The following OLFML3 variants were observed in gnomAD, a reference collection of about 807,000 sequenced individuals.
OLFML3 encodes olfactomedin like 3.
Under a neutral mutation model 36.0 loss-of-function variants are expected in OLFML3, and 26 were observed. That is an observed-to-expected ratio of 0.72 (90% CI 0.53 to 1.00). The LOEUF (loss-of-function observed/expected upper bound fraction) is 1.00. Ranked by LOEUF, OLFML3 falls within the 50% of genes least tolerant of loss-of-function variation. The pLI, the probability that OLFML3 is intolerant of heterozygous loss-of-function variation, is 0.00. For missense variants in OLFML3, 503 were observed against 519.4 expected (o/e 0.97, Z 0.31); for synonymous variants, 184 against 201.2 (o/e 0.91, Z 0.72).
intron 1 of OLFML3, chr1:113,980,067 G>A: frequency 6.5e-7 from 1 of 1,549,854 alleles, no homozygotes; most frequent in Non-Finnish European, 8.7e-7. Flanking sequence ...CTGCCTAGAG[G>A]CTCAGATGGC....
chr1:113,980,501 ACTAT>A lies in OLFML3; in HGVS notation c.287_290del (p.Tyr96TrpfsTer11). ...GTGGATCGTCTGGAGCGGGAGGTAGACTATCTGGAGACCCAGAACCCAGCTCTGC... is the reference window on the plus strand; with the variant it reads ...GTGGATCGTCTGGAGCGGGAGGTAGACTGGAGACCCAGAACCCAGCTCTGC... On this transcript the variant is annotated frameshift_variant, in exon 2 of 3. Transcript: ENST00000320334. LOFTEE classifies it high-confidence loss of function. 1 of 1,614,134 alleles carries A rather than the reference ACTAT, an allele frequency of 6.2e-7. No individual in the cohort carries two copies. Among genetic ancestry groups the A allele is most frequent in the Non-Finnish European group, 8.5e-7 (1 of 1,180,010 alleles).
chr1:113,980,030 C>G (rs1255731623), intron 1 of OLFML3: 1 of 1,517,396 alleles, frequency 6.6e-7, no homozygotes, highest in Non-Finnish European at 8.8e-7. Context: ...GGAGCAGAGA[C>G]CTCTTCACAC....
chr1:113,980,469 C>T lies in OLFML3; in HGVS notation c.252C>T (p.Ser84=), dbSNP rs770721873. The T allele has an allele frequency of 4.3e-6, 7 of 1,613,862 alleles. No homozygotes were observed. The highest frequency in any genetic ancestry group is 3.3e-5 in the Admixed American group (2 of 59,968). ...EALRTEADTI[S]GRVDRLEREV... is the part of the protein sequence containing the mutation. Reference sequence around the variant, plus strand: ...TCAGAACTGAGGCCGACACCATCTCCGGGAGAGTGGATCGTCTGGAGCGGG... The same window carrying T: ...TCAGAACTGAGGCCGACACCATCTCTGGGAGAGTGGATCGTCTGGAGCGGG... The change falls in exon 2 of 3, where the codon TCC becomes TCT. Residue 84 remains serine, a synonymous_variant. Coordinates refer to ENST00000320334, the MANE Select transcript of OLFML3 (RefSeq NM_020190.5).
chr1:113,981,336 T>C lies in OLFML3; in HGVS notation c.788T>C (p.Ile263Thr). 1.3e-6 allele frequency: 2 copies of C among 1,599,076 alleles called. No homozygotes were observed. Among genetic ancestry groups the C allele is most frequent in the Non-Finnish European group, 1.7e-6 (2 of 1,172,046 alleles). Reference sequence around the variant, plus strand: ...TCAGTATTCCCAGCAGAGGGGCTGATCCCCCCCTACGGCTTGACAGCAGAC... The same window carrying C: ...TCAGTATTCCCAGCAGAGGGGCTGACCCCCCCCTACGGCTTGACAGCAGAC... ...DSSVFPAEGL[I>T]PPYGLTADTY... The change falls in exon 3 of 3, where the codon ATC (isoleucine) becomes ACC (threonine). Residue 263 changes from isoleucine (I) to threonine (T), a missense_variant. Transcript: ENST00000320334.
Position 113,980,470 on chromosome 1 carries a change from G to A in OLFML3, c.253G>A (p.Gly85Arg), listed in dbSNP as rs771432541. ...ALRTEADTIS[G>R]RVDRLEREVD... ...CAGAACTGAGGCCGACACCATCTCC[G>A]GGAGAGTGGATCGTCTGGAGCGGGA... is the stretch of plus-strand genomic sequence containing the variant. The change falls in exon 2 of 3, where the codon GGG (glycine) becomes AGG (arginine). Residue 85 changes from glycine to arginine, a missense_variant. Coordinates refer to ENST00000320334, the MANE Select transcript of OLFML3 (RefSeq NM_020190.5). 2.8e-5 allele frequency: 45 copies of A among 1,613,932 alleles called. No homozygotes were observed. Among genetic ancestry groups the A allele is most frequent in the South Asian group, 1.2e-4 (11 of 91,084 alleles).
Position 113,981,298 on chromosome 1 carries a change from A to T in OLFML3, c.750A>T (p.Thr250=). ...QLIKFHLANR[T]VVDSSVFPAE... is the part of the protein sequence containing the mutation. ...TCAAATTCCACCTGGCAAACCGAAC[A>T]GTGGTGGACAGCTCAGTATTCCCAG... is the stretch of plus-strand genomic sequence containing the variant. The change falls in exon 3 of 3, where the codon ACA becomes ACT. Residue 250 remains threonine (T), a synonymous_variant. Coordinates refer to ENST00000320334, the MANE Select transcript of OLFML3 (RefSeq NM_020190.5). 6.3e-7 allele frequency: 1 copy of T among 1,598,176 alleles called. No individual in the cohort carries two copies. Among genetic ancestry groups the T allele is most frequent in the Non-Finnish European group, 8.5e-7 (1 of 1,170,678 alleles).
At chr1:113,980,263 C>T (rs373306496) in intron 1 of OLFML3, 69 bp from the exon 2 acceptor site, 39 of 1,523,996 alleles carry the variant, frequency 2.6e-5, no homozygotes, top group South Asian at 1.7e-4. Context: ...TCCTGACTCC[C>T]GAGTTGGGCC....
Position 113,981,239 on chromosome 1 carries a change from G to A in OLFML3, c.691G>A (p.Gly231Arg). ...TCGGAGGCCTCCTGGAAGACCTGGT[G>A]GAGGTGGTGAGATGGAGAACACTTT... ...FARRPPGRPG[G>R]GGEMENTLQL... The change falls in exon 3 of 3, where the codon GGA becomes AGA. Residue 231 changes from glycine (G) to arginine (R), a missense_variant. Coordinates refer to ENST00000320334, the MANE Select transcript of OLFML3 (RefSeq NM_020190.5). 2 of 1,613,756 alleles carry A rather than the reference G, an allele frequency of 1.2e-6. No homozygotes were observed. The highest frequency in any genetic ancestry group is 1.7e-6 in the Non-Finnish European group (2 of 1,179,792).
chr1:113,979,559 T>TG lies in OLFML3; in HGVS notation c.45dup (p.Ser16ValfsTer34). 6.2e-7 allele frequency: 1 copy of TG among 1,614,146 alleles called. No individual in the cohort carries two copies. Among genetic ancestry groups the TG allele is most frequent in the South Asian group, 1.1e-5 (1 of 91,080 alleles). On this transcript the variant is annotated frameshift_variant, in exon 1 of 3. Coordinates refer to ENST00000320334, the MANE Select transcript of OLFML3 (RefSeq NM_020190.5). LOFTEE classifies it high-confidence loss of function. ...TCTCCTCATCTTGTTCCTTTTGTCA[T>TG]GGTCGGGACCCCTCCAAGGACAGCA...
At position 113,981,558 on chromosome 1, in the gene OLFML3, C is replaced by T. The variant is rs768793639; in HGVS notation, c.1010C>T (p.Thr337Ile). 3 of 1,614,140 alleles carry T rather than the reference C, an allele frequency of 1.9e-6. No individual in the cohort carries two copies. In the South Asian group the frequency reaches 3.3e-5, roughly 18 times the overall value. Residue 337 changes from threonine to isoleucine, a missense_variant, in exon 3 of 3, where the codon ACC (threonine) becomes ATC (isoleucine). Transcript: ENST00000320334. ...ICGTLYVVYNTRPASRARIQC... is the reference protein window; with the variant it reads ...ICGTLYVVYNIRPASRARIQC... ...GGGACCCTCTATGTCGTCTATAACA[C>T]CCGTCCTGCCAGTCGGGCCCGCATC... is the stretch of plus-strand genomic sequence containing the variant.
chr1:113,980,864 C>A, intron 2 of OLFML3, 85 bp from the exon 3 acceptor site: 2 of 1,228,390 alleles, frequency 1.6e-6, no homozygotes, highest in Non-Finnish European at 2.2e-6. Context: ...GCTCACTATT[C>A]TCCAGATCAC....
At chr1:113,980,688 T>C in intron 2 of OLFML3, 71 bp downstream of exon 2, 1 of 1,452,896 alleles carries the variant, frequency 6.9e-7, no homozygotes, top group Admixed American at 2.6e-5. Context: ...TTCTTACTCT[T>C]TTTTTCGCTT....
In OLFML3 at chr1:113,981,543, A is replaced by G. The variant is rs1360077376; in HGVS notation, c.995A>G (p.Tyr332Cys). The change falls in exon 3 of 3, where the codon TAT (tyrosine) becomes TGT (cysteine). Residue 332 changes from tyrosine to cysteine, a missense_variant. Tyr to Cys is a radical substitution (Grantham distance 194). Coordinates refer to ENST00000320334, the MANE Select transcript of OLFML3 (RefSeq NM_020190.5). ...GCCTTTGTCATCTGTGGGACCCTCTATGTCGTCTATAACACCCGTCCTGCC... is the reference window on the plus strand; with the variant it reads ...GCCTTTGTCATCTGTGGGACCCTCTGTGTCGTCTATAACACCCGTCCTGCC... ...EAAFVICGTL[Y>C]VVYNTRPASR... The G allele has an allele frequency of 2.5e-6, 4 of 1,614,054 alleles. No homozygotes were observed. The highest frequency in any genetic ancestry group is 2.2e-5 in the East Asian group (1 of 44,864).
Position 113,981,525 on chromosome 1 carries a change from T to C in OLFML3, c.977T>C (p.Val326Ala). ...CPRENAEAAF[V>A]ICGTLYVVYN... is the part of the protein sequence containing the mutation. The stretch of plus-strand genomic sequence containing the variant: ...AGAGAGAATGCTGAGGCTGCCTTTG[T>C]CATCTGTGGGACCCTCTATGTCGTC... Residue 326 changes from valine (V) to alanine (A), a missense_variant, in exon 3 of 3, where the codon GTC becomes GCC. Coordinates refer to ENST00000320334, the MANE Select transcript of OLFML3 (RefSeq NM_020190.5). 6.2e-7 allele frequency: 1 copy of C among 1,614,154 alleles called. No homozygotes were observed. Among genetic ancestry groups the C allele is most frequent in the Non-Finnish European group, 8.5e-7 (1 of 1,180,008 alleles).
At chr1:113,980,181 C>T in intron 1 of OLFML3, 151 bp from the exon 2 acceptor site, 1 of 1,513,056 alleles carries the variant, frequency 6.6e-7, no homozygotes, top group South Asian at 1.3e-5. Flanking sequence ...CACCTCTGCA[C>T]ATCTGGTTTC....
At chr1:113,980,912 T>TTGCCTCTA in intron 2 of OLFML3, 37 bp from the exon 3 acceptor site, 7 of 1,483,150 alleles carry the variant, frequency 4.7e-6, no homozygotes, top group Non-Finnish European at 6.3e-6. Context: ...CATCTAATTC[T>TTGCCTCTA]TGCCTCTATT....
At position 113,981,787 on chromosome 1, in the gene OLFML3, T is replaced by A. The variant is rs1263939817; in HGVS notation, c.*18T>A. ...AGGTTTGAGGAGCTAGCCTTGTTTTTTGCATCTTTCTCACTCCCATACATT... is the reference window on the plus strand; with the variant it reads ...AGGTTTGAGGAGCTAGCCTTGTTTTATGCATCTTTCTCACTCCCATACATT... On this transcript the variant is annotated 3_prime_UTR_variant, in exon 3 of 3. Transcript: ENST00000320334. 6.3e-7 allele frequency: 1 copy of A among 1,599,172 alleles called. No homozygotes were observed. The highest frequency in any genetic ancestry group is 2.2e-5 in the East Asian group (1 of 44,490).
In OLFML3 at chr1:113,981,342, C is replaced by G. The variant is rs199724687; in HGVS notation, c.794C>G (p.Pro265Arg). ...SVFPAEGLIP[P>R]YGLTADTYID... ...TTCCCAGCAGAGGGGCTGATCCCCC[C>G]CTACGGCTTGACAGCAGACACCTAC... The change falls in exon 3 of 3, where the codon CCC becomes CGC. Residue 265 changes from proline (P) to arginine (R), a missense_variant. Transcript: ENST00000320334. The G allele has an allele frequency of 3.7e-5, 59 of 1,601,572 alleles. No homozygotes were observed. Among genetic ancestry groups the G allele is most frequent in the African/African-American group, 2.7e-5 (2 of 74,788 alleles).
At chr1:113,980,861 A>C in intron 2 of OLFML3, 88 bp from the exon 3 acceptor site, 17 of 1,201,736 alleles carry the variant, frequency 1.4e-5, no homozygotes, top group Non-Finnish European at 2.0e-5. Flanking sequence ...AATGCTCACT[A>C]TTCTCCAGAT....
Sources: gnomAD v4.1 joint callset for allele counts on GRCh38, gnomAD v4.1.1 for gene constraint, MANE v1.5 for transcripts, NCBI Gene and HGNC (gene_info 2026-07-23, HGNC 2026-07-21) for gene names.